CEP128: variants seen among roughly 807,000 people sequenced by gnomAD.
CEP128 encodes centrosomal protein 128.
A neutral mutation model predicts 156.7 loss-of-function variants in CEP128; 132 were observed. The ratio of observed to expected loss-of-function variants is 0.84; its 90% CI spans 0.73 to 0.97. The LOEUF is 0.97. Ranked by LOEUF, CEP128 falls within the 50% of genes least tolerant of loss-of-function variation. The probability of loss-of-function intolerance (pLI) is 0.00; values close to 1 mark genes in which losing one functional copy is unlikely to be tolerated. For missense variants in CEP128, 1,252 were observed against 1,281.9 expected (o/e 0.98, Z 0.36); for synonymous variants, 469 against 448.9 (o/e 1.04, Z -0.57).
intron 4 of CEP128, 135 bp from the exon 5 acceptor site, chr14:80,906,216 CTAAGT>C (rs780646269): frequency 1.6e-6 from 1 of 606,816 alleles, no homozygotes; most frequent in Non-Finnish European, 2.7e-6. Context: ...AAATTTTAAA[CTAAGT>C]TATGTTTAAA....
intron 19 of CEP128, among the ~76,000 whole-genome samples, chr14:80,642,022 G>A (rs866678585): frequency 1.5e-4 from 22 of 148,154 alleles, no homozygotes; most frequent in Non-Finnish European, 2.2e-4. Flanking sequence ...CCCGGGAGGC[G>A]GAGCTTGCAG....
At chr14:80,548,330 T>C (rs539872238) in intron 21 of CEP128, among the ~76,000 whole-genome samples, 1 of 152,294 alleles carries the variant, frequency 6.6e-6, no homozygotes, top group East Asian at 1.9e-4. Context: ...AGATTGAAGG[T>C]AATTTGTTAA....
rs1017888217 is a variant in CEP128, at chr14:80,673,450, C to T, written c.2806+69625G>A. Among the ~76,000 whole-genome samples the T allele has an allele frequency of 2.0e-3, 289 of 145,718 alleles. 3 individuals are homozygous for T. The highest frequency in any genetic ancestry group is 6.5e-3 in the African/African-American group (255 of 39,308). On this transcript the variant is annotated intron_variant, in intron 19 of 24. Coordinates refer to ENST00000555265, the MANE Select transcript of CEP128 (RefSeq NM_152446.5). ...CGAGGTCAGGAGATCGAGACCATCCCGGCTAAAACGGTGAAACCCCGTCTC... is the reference window on the plus strand; with the variant it reads ...CGAGGTCAGGAGATCGAGACCATCCTGGCTAAAACGGTGAAACCCCGTCTC...
intron 2 of CEP128, among the ~76,000 whole-genome samples, chr14:80,927,582 C>T (rs12433134): frequency 0.38 from 58,000 of 152,050 alleles, 11,294 homozygotes; most frequent in South Asian, 0.51. Context: ...AGCCAGAGCA[C>T]TTCGTGCAGA....
intron 18 of CEP128, among the ~76,000 whole-genome samples, chr14:80,748,002 T>C (rs1006457820): frequency 3.3e-5 from 5 of 152,176 alleles, no homozygotes; most frequent in African/African-American, 1.2e-4. Context: ...CATTCTAAAT[T>C]AACGAATTGT....
intron 19 of CEP128, among the ~76,000 whole-genome samples, chr14:80,696,318 C>T (rs978117276): frequency 3.3e-5 from 5 of 152,226 alleles, no homozygotes; most frequent in South Asian, 2.1e-4. Flanking sequence ...TCCAAGCAAA[C>T]ATATTTGAGA....
At chr14:80,739,815 G>A (rs1225313896) in intron 19 of CEP128, among the ~76,000 whole-genome samples, 1 of 152,004 alleles carries the variant, frequency 6.6e-6, no homozygotes, top group Non-Finnish European at 1.5e-5. Flanking sequence ...TTTAAATATT[G>A]CTACCATAAA....
intron 16 of CEP128, among the ~76,000 whole-genome samples, chr14:80,762,732 C>T (rs1030273595): frequency 2.6e-5 from 4 of 152,182 alleles, no homozygotes; most frequent in African/African-American, 9.7e-5. Flanking sequence ...AATCTGCCTA[C>T]ATATGTCTCC....
intron 9 of CEP128, among the ~76,000 whole-genome samples, chr14:80,856,664 CGTGTGT>C (rs908211651): frequency 7.0e-6 from 1 of 142,344 alleles, no homozygotes; most frequent in East Asian, 2.1e-4. Context: ...AGTGTGCCTG[CGTGTGT>C]GTGTGTGCGT....
At chr14:80,605,603 A>G (rs1259738904) in intron 19 of CEP128, among the ~76,000 whole-genome samples, 2 of 152,122 alleles carry the variant, frequency 1.3e-5, no homozygotes, top group Admixed American at 1.3e-4. Context: ...ATCTGGAAGC[A>G]GAAAAAAGAA....
chr14:80,691,259 T>C (rs1595226264), intron 19 of CEP128, among the ~76,000 whole-genome samples: 2 of 152,204 alleles, frequency 1.3e-5, no homozygotes, highest in Non-Finnish European at 1.5e-5. Context: ...TTAAAATTAC[T>C]ACAAACTGAC....
chr14:80,494,076 C>A (rs1887413755), downstream of CEP128, among the ~76,000 whole-genome samples: 1 of 152,116 alleles, frequency 6.6e-6, no homozygotes, highest in African/African-American at 2.4e-5. Flanking sequence ...GTTTAAATTT[C>A]TTTTGTCAAA....
intron 8 of CEP128, among the ~76,000 whole-genome samples, chr14:80,866,521 C>T (rs1368153407): frequency 6.6e-6 from 1 of 152,170 alleles, no homozygotes; most frequent in African/African-American, 2.4e-5. Flanking sequence ...CTCAGGCCAT[C>T]TGCTGACCCA....
chr14:80,781,450 C>T (rs1477236116), intron 15 of CEP128, among the ~76,000 whole-genome samples: 5 of 106,120 alleles, frequency 4.7e-5, no homozygotes, highest in African/African-American at 1.5e-4. Context: ...AGCGAGACTC[C>T]GTCTCAAAAA....
chr14:80,625,392 G>A (rs1430640680), intron 19 of CEP128, among the ~76,000 whole-genome samples: 1 of 152,210 alleles, frequency 6.6e-6, no homozygotes. Context: ...TATGCCTCGA[G>A]CTTTGTTCTT....
At chr14:80,525,832 C>T (rs902329285) in intron 23 of CEP128, among the ~76,000 whole-genome samples, 1 of 152,178 alleles carries the variant, frequency 6.6e-6, no homozygotes, top group Non-Finnish European at 1.5e-5. Flanking sequence ...GAAATGAACA[C>T]TGTCTTTATA....
rs566289243 is a variant in CEP128, at chr14:80,728,126, C to A, written c.2806+14949G>T. 1.4e-4 allele frequency among the ~76,000 whole-genome samples: 21 copies of A among 150,260 alleles called. 1 individual carries two copies. The East Asian group carries it at 3.7e-3, about 26-fold the overall frequency. On this transcript the variant is annotated intron_variant, in intron 19 of 24. Coordinates refer to ENST00000555265, the MANE Select transcript of CEP128 (RefSeq NM_152446.5). ...GATACACATCAGTGGTGGACTGGAT[C>A]AAAAAAAAATGTGATACGTATACAC...
intron 16 of CEP128, 59 bp from the exon 17 acceptor site, chr14:80,761,672 C>T (rs1434098162): frequency 6.6e-6 from 8 of 1,221,280 alleles, no homozygotes; most frequent in Non-Finnish European, 8.0e-6. Context: ...CAAGAAAATA[C>T]TTGTAATATC....
chr14:80,752,084 A>G (rs1899428433), intron 18 of CEP128, among the ~76,000 whole-genome samples: 1 of 152,214 alleles, frequency 6.6e-6, no homozygotes, highest in Admixed American at 6.5e-5. Flanking sequence ...AAAGCCACTA[A>G]GAAATGACTC....
Sources: gnomAD v4.1 joint callset for allele counts (sites outside exome capture counted in the v4.1 genomes callset) on GRCh38, gnomAD v4.1.1 for gene constraint, MANE v1.5 for transcripts, NCBI Gene and HGNC (gene_info 2026-07-23, HGNC 2026-07-21) for gene names.